The following ACTR3B variants were observed in gnomAD, a reference collection of about 807,000 sequenced individuals.
The protein encoded by ACTR3B is actin-related protein 3B.
A neutral mutation model predicts 59.0 loss-of-function variants in ACTR3B; 8 were observed. The ratio of observed to expected loss-of-function variants is 0.14; its 90% confidence interval spans 0.08 to 0.24. The LOEUF (loss-of-function observed/expected upper bound fraction) is 0.24, where lower values mean the gene tolerates loss of function less well. Ranked by LOEUF, ACTR3B falls within the 10% of genes least tolerant of loss-of-function variation. ACTR3B has a pLI of 1.00. For synonymous variants in ACTR3B, 148 were observed against 197.9 expected (o/e 0.75, Z 2.12); for missense variants, 245 against 552.3 (o/e 0.44, Z 5.58).
At chr7:152,831,925 A>G (rs181591312) in intron 9 of ACTR3B, among the ~76,000 whole-genome samples, 6 of 152,192 alleles carry the variant, frequency 3.9e-5, no homozygotes, top group African/African-American at 1.4e-4. Context: ...ATGGAGTTAG[A>G]TTTTATCCTG....
chr7:152,848,945 A>T (rs918700589), intron 9 of ACTR3B, among the ~76,000 whole-genome samples: 1 of 152,192 alleles, frequency 6.6e-6, no homozygotes, highest in African/African-American at 2.4e-5. Context: ...AACAGTGATT[A>T]TTCATGATGC....
At chr7:152,848,106 T>C (rs1798504974) in intron 9 of ACTR3B, among the ~76,000 whole-genome samples, 1 of 152,168 alleles carries the variant, frequency 6.6e-6, no homozygotes, top group Admixed American at 6.5e-5. Context: ...GCTCAGAACG[T>C]GGAGATGAGG....
At chr7:152,837,399 G>A (rs560422092) in intron 9 of ACTR3B, among the ~76,000 whole-genome samples, 1 of 152,204 alleles carries the variant, frequency 6.6e-6, no homozygotes, top group Non-Finnish European at 1.5e-5. Context: ...AGCAAATGAC[G>A]CCTGTAAGCC....
At chr7:152,808,124 A>G (rs1252269556) in intron 4 of ACTR3B, among the ~76,000 whole-genome samples, 2 of 152,152 alleles carry the variant, frequency 1.3e-5, no homozygotes, top group Non-Finnish European at 2.9e-5. Context: ...ATGGAATCAT[A>G]TAGTATTTGT....
chr7:152,817,710 G>C (rs1339268519), intron 6 of ACTR3B, among the ~76,000 whole-genome samples: 3 of 151,598 alleles, frequency 2.0e-5, no homozygotes, highest in Non-Finnish European at 1.5e-5. Context: ...TATGTATATG[G>C]GGGGGTGTGT....
Position 152,816,491 on chromosome 7 carries a change from C to G in ACTR3B, c.443C>G (p.Ala148Gly). 1 of 1,592,182 alleles carries G rather than the reference C, an allele frequency of 6.3e-7. No homozygotes were observed. Among genetic ancestry groups the G allele is most frequent in the Non-Finnish European group, 8.6e-7 (1 of 1,167,862 alleles). The stretch of plus-strand genomic sequence containing the variant: ...ATGTCTTTTCTCCAGGCAGTGCTGG[C>G]CTTGGCGGCATCTTGGACATCTCGA... ...GLYIAVQAVL[A>G]LAASWTSRQV... is the part of the protein sequence containing the mutation. The change falls in exon 6 of 12, where the codon GCC becomes GGC. Residue 148 changes from alanine to glycine, a missense_variant. Ala to Gly is a moderately conservative substitution (Grantham distance 60). Transcript: ENST00000256001.
intron 6 of ACTR3B, among the ~76,000 whole-genome samples, chr7:152,817,446 C>T (rs1795794506): frequency 6.6e-6 from 1 of 152,030 alleles, no homozygotes; most frequent in Non-Finnish European, 1.5e-5. Flanking sequence ...GAAGGCTCTG[C>T]AATGCCGCTT....
chr7:152,807,172 T>G (rs2098254799), intron 4 of ACTR3B, among the ~76,000 whole-genome samples: 1 of 152,144 alleles, frequency 6.6e-6, no homozygotes, highest in African/African-American at 2.4e-5. Context: ...GTTTAACACT[T>G]CACATAGAGA....
At chr7:152,830,927 T>C (rs771954359) in intron 9 of ACTR3B, among the ~76,000 whole-genome samples, 6 of 152,306 alleles carry the variant, frequency 3.9e-5, no homozygotes, top group Non-Finnish European at 4.4e-5. Context: ...AAAATACATA[T>C]CATTGGTTTT....
intron 2 of ACTR3B, among the ~76,000 whole-genome samples, chr7:152,798,199 C>T (rs59185362): frequency 0.81 from 123,010 of 151,980 alleles, 50,100 homozygotes; most frequent in African/African-American, 0.89. Flanking sequence ...CCAACACTTA[C>T]TATCTTTTGC....
At chr7:152,807,620 G>A (rs868797212) in intron 4 of ACTR3B, among the ~76,000 whole-genome samples, 19 of 152,282 alleles carry the variant, frequency 1.2e-4, no homozygotes, top group South Asian at 4.1e-4. Context: ...TCAGCACCGC[G>A]CAAGAGGCTT....
chr7:152,831,061 T>C (rs549687449), intron 9 of ACTR3B, among the ~76,000 whole-genome samples: 193 of 152,366 alleles, frequency 1.3e-3, no homozygotes, highest in African/African-American at 4.5e-3. Flanking sequence ...TCCAGAGCTC[T>C]GCTCTTTTAG....
chr7:152,837,375 T>C (rs1272933021), intron 9 of ACTR3B, among the ~76,000 whole-genome samples: 2 of 152,236 alleles, frequency 1.3e-5, no homozygotes, highest in Non-Finnish European at 2.9e-5. Context: ...CAAGCATAGG[T>C]GATAAGAAAC....
At chr7:152,784,885 A>G (rs1325519604) in intron 2 of ACTR3B, among the ~76,000 whole-genome samples, 2 of 151,892 alleles carry the variant, frequency 1.3e-5, no homozygotes, top group Non-Finnish European at 2.9e-5. Flanking sequence ...TTCATCTCCA[A>G]ATACAGTCAC....
rs945425084 is a variant in ACTR3B at position 152,763,278 on chromosome 7, G to C, written c.44+3352G>C. Among the ~76,000 whole-genome samples the C allele has an allele frequency of 3.7e-4, 42 of 114,850 alleles. 2 individuals are homozygous for C. The highest frequency in any genetic ancestry group is 1.6e-5 in the Non-Finnish European group (1 of 61,912). 75.3% of individuals were successfully genotyped at this position (114,850 alleles called of 152,430 possible). ...TGCAGTGAGCCGAGATCGGGCCACT[G>C]CACTCCAGCCTGGTGACAGAGCGAG... On this transcript the variant is annotated intron_variant, in intron 1 of 11. Transcript: ENST00000256001.
intron 10 of ACTR3B, among the ~76,000 whole-genome samples, chr7:152,853,059 G>A (rs111607962): frequency 1.3e-5 from 2 of 152,154 alleles, no homozygotes; most frequent in African/African-American, 4.8e-5. Context: ...CCAAAGTGCT[G>A]GGATTACAGG....
At chr7:152,849,117 GTT>G (rs1334927625) in intron 9 of ACTR3B, among the ~76,000 whole-genome samples, 1 of 152,228 alleles carries the variant, frequency 6.6e-6, no homozygotes, top group Non-Finnish European at 1.5e-5. Flanking sequence ...CGCCGACAGA[GTT>G]TTGAGAAAGC....
chr7:152,772,628 C>CA (rs1306607826), intron 1 of ACTR3B, among the ~76,000 whole-genome samples: 1 of 148,438 alleles, frequency 6.7e-6, no homozygotes, highest in Non-Finnish European at 1.5e-5. Flanking sequence ...TGCAAATGGG[C>CA]AAAAGCTCAG....
intron 1 of ACTR3B, among the ~76,000 whole-genome samples, chr7:152,771,163 C>T (rs2098123040): frequency 6.6e-6 from 1 of 151,894 alleles, no homozygotes; most frequent in African/African-American, 2.4e-5. Context: ...GGGGTTTCAC[C>T]ATGTTGGCCA....
Sources: gnomAD v4.1 joint callset for allele counts (sites outside exome capture counted in the v4.1 genomes callset) on GRCh38, gnomAD v4.1.1 for gene constraint, MANE v1.5 for transcripts, NCBI Gene and HGNC (gene_info 2026-07-23, HGNC 2026-07-21) for gene names.